The following TSC2 variants were observed in gnomAD, a reference collection of about 807,000 sequenced individuals.
TSC2 encodes the protein tuberin.
TSC2 carries 29 observed loss-of-function variants against 202.2 expected under a neutral mutation model. The ratio of observed to expected loss-of-function variants is 0.14; its 90% confidence interval spans 0.11 to 0.20. TSC2 has a LOEUF of 0.20. TSC2 is among the 10% of genes least tolerant of loss of function. TSC2 has a pLI of 1.00. For missense variants in TSC2, 2,429 were observed against 2,420.0 expected (o/e 1.00, Z -0.08); for synonymous variants, 1,349 against 1,044.0 (o/e 1.29, Z -5.63).
chr16:2,050,761 G>C (rs560297167), intron 3 of TSC2, among the ~76,000 whole-genome samples: 94 of 151,918 alleles, frequency 6.2e-4, no homozygotes, highest in African/African-American at 2.2e-3. Context: ...CCGGCTTTTT[G>C]TATTTTTAGT....
chr16:2,078,628 T>C (rs2089721897), intron 26 of TSC2: 2 of 319,870 alleles, frequency 6.3e-6, no homozygotes, highest in Non-Finnish European at 1.2e-5. Flanking sequence ...GAAGGCCACA[T>C]GGGGATCCCA....
chr16:2,057,679 G>A (rs1159828196), intron 9 of TSC2, among the ~76,000 whole-genome samples: 3 of 152,156 alleles, frequency 2.0e-5, no homozygotes, highest in Admixed American at 6.5e-5. Context: ...ACACAGATAT[G>A]TCGGTGTCAC....
At chr16:2,087,792 C>T in intron 38 of TSC2, 71 bp from the exon 39 acceptor site, 3 of 1,562,736 alleles carry the variant, frequency 1.9e-6, no homozygotes, top group Admixed American at 1.8e-5. Context: ...AGCAGTGCAA[C>T]CAGGCAGTAG....
intron 15 of TSC2, 106 bp downstream of exon 15, chr16:2,064,533 G>A (rs1466751579): frequency 8.4e-6 from 13 of 1,552,336 alleles, no homozygotes; most frequent in Non-Finnish European, 1.1e-5. Context: ...GGATGGCTGT[G>A]TCCGTAGGTG....
At chr16:2,074,826 G>A (rs1010275701) in intron 22 of TSC2, 3 of 292,286 alleles carry the variant, frequency 1.0e-5, no homozygotes, top group South Asian at 3.6e-5. Flanking sequence ...TGCTGGGCCC[G>A]CACTTGGTGT....
intron 3 of TSC2, among the ~76,000 whole-genome samples, chr16:2,051,268 C>T (rs1010729978): frequency 2.7e-5 from 4 of 150,650 alleles, no homozygotes; most frequent in African/African-American, 9.8e-5. Context: ...TGCAGTGAGC[C>T]GAGATCGCCC....
intron 26 of TSC2, 43 bp from the exon 27 acceptor site, chr16:2,078,989 C>T (rs2089779036): frequency 1.2e-6 from 2 of 1,610,310 alleles, no homozygotes; most frequent in Non-Finnish European, 1.7e-6. Flanking sequence ...GCTCGGCCCG[C>T]CCTACCTGGC....
chr16:2,083,873 C>T, intron 33 of TSC2, 57 bp downstream of exon 33: 1 of 1,573,020 alleles, frequency 6.4e-7, no homozygotes, highest in Non-Finnish European at 8.6e-7. Flanking sequence ...TTAGGGGAGG[C>T]AGGGCTCTGC....
At chr16:2,054,718 G>A (rs553206402) in intron 5 of TSC2, 260 of 523,162 alleles carry the variant, frequency 5.0e-4, no homozygotes, top group Admixed American at 7.3e-4. Flanking sequence ...GGAGCTGGGC[G>A]AGTTCTGTCA....
intron 34 of TSC2, 31 bp from the exon 35 acceptor site, chr16:2,084,920 C>T (rs1315787781): frequency 6.2e-6 from 10 of 1,612,770 alleles, no homozygotes; most frequent in Middle Eastern, 1.6e-4. Context: ...CAGGCCCTCA[C>T]CTGGGTGCCC....
chr16:2,085,116 C>G, intron 35 of TSC2, 90 bp downstream of exon 35: 2 of 1,602,962 alleles, frequency 1.2e-6, no homozygotes, highest in African/African-American at 2.7e-5. Context: ...GGAGCTCAGG[C>G]TTGCAGAGGG....
At chr16:2,053,884 A>C in intron 4 of TSC2, 1 of 460,386 alleles carries the variant, frequency 2.2e-6, no homozygotes, top group South Asian at 1.7e-5. Context: ...CTGGTCGGCC[A>C]CTTCTACTCC....
intron 36 of TSC2, among the ~76,000 whole-genome samples, chr16:2,085,951 G>A (rs776737418): frequency 6.6e-6 from 1 of 152,186 alleles, no homozygotes; most frequent in Non-Finnish European, 1.5e-5. Flanking sequence ...CCAGGGCCCC[G>A]GGTGTGCTTT....
chr16:2,048,066 G>GT lies in TSC2; in HGVS notation c.-30+2dup, dbSNP rs1163371061. On this transcript the variant is annotated splice_donor_variant, in intron 1 of 41. Coordinates refer to ENST00000219476, the MANE Select transcript of TSC2 (RefSeq NM_000548.5). LOFTEE classifies it low-confidence loss of function (5UTR_SPLICE). Reference sequence around the variant, plus strand: ...CCGGAGCGCGGTGGCGCGGCGCGGGGTAAGTGGCGGTCCCCACGGGGCAAG... The same window carrying GT: ...CCGGAGCGCGGTGGCGCGGCGCGGGGTTAAGTGGCGGTCCCCACGGGGCAAG... 7.0e-7 allele frequency: 1 copy of GT among 1,427,888 alleles called. No homozygotes were observed. The highest frequency in any genetic ancestry group is 9.1e-7 in the Non-Finnish European group (1 of 1,097,650). 88.5% of individuals were successfully genotyped at this position (1,427,888 alleles called of 1,614,324 possible).
At chr16:2,065,019 CAGG>C (rs1045774207) in intron 15 of TSC2, 1 of 192,030 alleles carries the variant, frequency 5.2e-6, no homozygotes, top group African/African-American at 2.4e-5. Context: ...GAGGCTGAGG[CAGG>C]AGAATCGCTT....
chr16:2,056,255 C>G lies in TSC2; in HGVS notation c.648+11C>G, dbSNP rs371896390. 2 of 1,613,834 alleles carry G rather than the reference C, an allele frequency of 1.2e-6. No homozygotes were observed. Among genetic ancestry groups the G allele is most frequent in the African/African-American group, 2.7e-5 (2 of 74,932 alleles). On this transcript the variant is annotated intron_variant, in intron 7 of 41. Transcript: ENST00000219476. The stretch of plus-strand genomic sequence containing the variant: ...TCTGTGGACATAGAGGTCAGTGCCT[C>G]CCCTCCCCAGGGCCGGCCCATTTCA...
At chr16:2,078,944 T>C in intron 26 of TSC2, 88 bp from the exon 27 acceptor site, 1 of 1,572,690 alleles carries the variant, frequency 6.4e-7, no homozygotes. Flanking sequence ...TCCTCAGCCG[T>C]GCATGCGTTG....
chr16:2,088,881 GCACACACACACA>G lies in TSC2; in HGVS notation c.*278_*289del. On this transcript the variant is annotated 3_prime_UTR_variant, in exon 42 of 42. Coordinates refer to ENST00000219476, the MANE Select transcript of TSC2 (RefSeq NM_000548.5). Reference sequence around the variant, plus strand: ...ACAGCACACTCGCGCGTGCGCGCGCGCACACACACACACACACAGTCACCTTCCTCCACCCTG... The same window carrying G: ...ACAGCACACTCGCGCGTGCGCGCGCGCACACAGTCACCTTCCTCCACCCTG... 1 of 420,700 alleles carries G rather than the reference GCACACACACACA, an allele frequency of 2.4e-6. No homozygotes were observed. Among genetic ancestry groups the G allele is most frequent in the South Asian group, 2.4e-5 (1 of 41,002 alleles). The allele number at this position is 420,700 out of a possible 1,614,324, so 26.1% of individuals were successfully genotyped here. A position where few individuals can be genotyped will look rare whatever the true frequency, so the allele number is the denominator to read the frequency against.
chr16:2,084,246 CAGG>C lies in TSC2; in HGVS notation c.4030_4032del (p.Glu1344del), dbSNP rs878854100. 78 of 1,599,842 alleles carry C rather than the reference CAGG, an allele frequency of 4.9e-5. No individual in the cohort carries two copies. In the East Asian group the frequency reaches 5.2e-4, roughly 11 times the overall value. On this transcript the variant is annotated inframe_deletion, in exon 34 of 42. Transcript: ENST00000219476. ...TTTCTAGTCGTCCTCAGTCTCCAGCCAGGAGGAGAAGTCGCTCCACGCGGAGGA... is the reference window on the plus strand; with the variant it reads ...TTTCTAGTCGTCCTCAGTCTCCAGCCAGGAGAAGTCGCTCCACGCGGAGGA...
Sources: allele counts gnomAD v4.1 joint callset (sites outside exome capture counted in the v4.1 genomes callset), GRCh38; gene constraint gnomAD v4.1.1; transcripts MANE v1.5; gene names NCBI Gene and HGNC (gene_info 2026-07-23, HGNC 2026-07-21).